Variants in ANK2 observed in about 807,000 individuals in gnomAD.
ANK2 encodes the protein ankyrin 2, also known as ankyrin-2.
Under a neutral mutation model 360.5 loss-of-function variants are expected in ANK2, and 83 were observed. The observed-to-expected ratio is 0.23, with a 90% confidence interval of 0.19 to 0.28. The LOEUF (loss-of-function observed/expected upper bound fraction) is 0.28. Among genes scored for constraint, ANK2 ranks in the 10% least tolerant of loss-of-function variants. The pLI, the probability that ANK2 is intolerant of heterozygous loss-of-function variation, is 1.00. For missense variants in ANK2, 4,201 were observed against 4,795.7 expected (o/e 0.88, Z 3.66); for synonymous variants, 1,740 against 1,759.5 (o/e 0.99, Z 0.28).
the ANK2 span, among the ~76,000 whole-genome samples, chr4:112,749,618 G>GT: frequency 6.6e-6 from 1 of 152,150 alleles, no homozygotes; most frequent in Admixed American, 6.5e-5. Context: ...TCACAGCAGT[G>GT]TTTCCTAGGA....
intron 1 of ANK2, among the ~76,000 whole-genome samples, chr4:113,168,769 G>A (rs1170065147): frequency 6.6e-6 from 1 of 152,196 alleles, no homozygotes; most frequent in African/African-American, 2.4e-5. Context: ...AACCCAAATT[G>A]TTGGTTTCGA....
intron 14 of ANK2, among the ~76,000 whole-genome samples, chr4:113,271,559 C>T (rs890148069): frequency 2.0e-5 from 3 of 152,090 alleles, no homozygotes; most frequent in African/African-American, 4.8e-5. Context: ...CACCCTCTCC[C>T]GAAGAAGAGA....
intron 2 of ANK2, among the ~76,000 whole-genome samples, chr4:112,983,758 A>G (rs2043925609): frequency 6.6e-6 from 1 of 152,134 alleles, no homozygotes; most frequent in African/African-American, 2.4e-5. Flanking sequence ...CTCTTTCTCC[A>G]TATCTTGATG....
Position 113,382,168 on chromosome 4 carries a change from C to T in ANK2, c.*697C>T, listed in dbSNP as rs1319637315. Reference sequence around the variant, plus strand: ...TTGCTAACACAATCGAGTGATAATACAGTTTTACTGCAAAAGAAGCACTTC... The same window carrying T: ...TTGCTAACACAATCGAGTGATAATATAGTTTTACTGCAAAAGAAGCACTTC... On this transcript the variant is annotated 3_prime_UTR_variant, in exon 46 of 46. Coordinates refer to ENST00000357077, the MANE Select transcript of ANK2 (RefSeq NM_001148.6). 6.0e-6 allele frequency: 1 copy of T among 165,306 alleles called. No individual in the cohort carries two copies. Among genetic ancestry groups the T allele is most frequent in the South Asian group, 1.6e-4 (1 of 6,406 alleles). The allele number at this position is 165,306 out of a possible 1,614,324, so 10.2% of individuals were successfully genotyped here. A position where few individuals can be genotyped will look rare whatever the true frequency, so the allele number is the denominator to read the frequency against.
At chr4:112,749,591 T>C in the ANK2 span, among the ~76,000 whole-genome samples, 16 of 152,316 alleles carry the variant, frequency 1.1e-4, no homozygotes, top group Non-Finnish European at 2.4e-4. Context: ...ACTGAATAGT[T>C]ACTGGATTGA....
intron 1 of ANK2, among the ~76,000 whole-genome samples, chr4:113,159,154 C>G (rs369617): frequency 0.82 from 122,900 of 150,568 alleles, 50,173 homozygotes; most frequent in African/African-American, 0.85. Flanking sequence ...CTGGAAGTAG[C>G]ATATATGACT....
intron 5 of ANK2, among the ~76,000 whole-genome samples, chr4:113,234,947 A>C (rs1305877598): frequency 1.3e-5 from 2 of 152,226 alleles, no homozygotes; most frequent in East Asian, 3.8e-4. Context: ...AGTACAGATT[A>C]GAATGAAATC....
chr4:112,738,229 G>A, the ANK2 span, among the ~76,000 whole-genome samples: 1 of 152,056 alleles, frequency 6.6e-6, no homozygotes, highest in African/African-American at 2.4e-5. Context: ...AGCCAACATG[G>A]CGAAGCCCCG....
chr4:112,982,304 A>G (rs1239063591), intron 2 of ANK2, among the ~76,000 whole-genome samples: 1 of 152,214 alleles, frequency 6.6e-6, no homozygotes, highest in Non-Finnish European at 1.5e-5. Flanking sequence ...AGACATGCCT[A>G]TCATCTTTGA....
At chr4:113,004,331 T>C (rs1453764433) in intron 2 of ANK2, among the ~76,000 whole-genome samples, 1 of 152,194 alleles carries the variant, frequency 6.6e-6, no homozygotes, top group Non-Finnish European at 1.5e-5. Context: ...TAAAGAAATT[T>C]TGTTTTCTTT....
At chr4:113,333,389 G>T (rs947893161) in intron 29 of ANK2, among the ~76,000 whole-genome samples, 181 bp downstream of exon 29, 21 of 151,588 alleles carry the variant, frequency 1.4e-4, no homozygotes, top group African/African-American at 5.1e-4. Context: ...TGATGAGTTG[G>T]AATGCACAAT....
At chr4:113,299,492 G>A (rs1456487171) in intron 22 of ANK2, among the ~76,000 whole-genome samples, 2 of 152,072 alleles carry the variant, frequency 1.3e-5, no homozygotes, top group African/African-American at 2.4e-5. Flanking sequence ...ATCACCTGAC[G>A]TCAAGTGTTC....
chr4:112,840,634 A>G (rs946799154), intron 1 of ANK2, among the ~76,000 whole-genome samples: 1 of 152,220 alleles, frequency 6.6e-6, no homozygotes, highest in African/African-American at 2.4e-5. Context: ...TTAGGGACGG[A>G]AAAATGCAAA....
At position 113,358,098 on chromosome 4, in the gene ANK2, G is replaced by A; in HGVS notation, c.9480G>A (p.Glu3160=). The change falls in exon 38 of 46, where the codon GAG becomes GAA. Residue 3160 remains glutamate, a synonymous_variant. Coordinates refer to ENST00000357077, the MANE Select transcript of ANK2 (RefSeq NM_001148.6). ...GATGADPLPL[E]TSAESLALSE... is the part of the protein sequence containing the mutation. ...CTGGGGCTGATCCCCTACCGCTGGA[G>A]ACATCAGCTGAATCACTAGCACTTT... The A allele has an allele frequency of 6.2e-7, 1 of 1,614,092 alleles. No homozygotes were observed. Among genetic ancestry groups the A allele is most frequent in the East Asian group, 2.2e-5 (1 of 44,874 alleles).
chr4:113,149,874 C>CAAAAA (rs34667216), intron 1 of ANK2, among the ~76,000 whole-genome samples: 3,640 of 31,384 alleles, frequency 0.12, 746 homozygotes, highest in Non-Finnish European at 0.15. Flanking sequence ...GACCCTGCCT[C>CAAAAA]AAAAAAAAAA....
At chr4:113,085,601 CCGGCCTTGGAATT>C in intron 1 of ANK2, among the ~76,000 whole-genome samples, 1 of 152,232 alleles carries the variant, frequency 6.6e-6, no homozygotes, top group South Asian at 2.1e-4. Context: ...GCCACCGCGC[CCGGCCTTGGAATT>C]TGTATTTTAA....
chr4:113,198,263 T>TA (rs1292056685), intron 3 of ANK2, among the ~76,000 whole-genome samples: 7 of 152,272 alleles, frequency 4.6e-5, no homozygotes, highest in Admixed American at 2.6e-4. Context: ...AGTGAGTGGC[T>TA]AATGCTCCCA....
At chr4:113,352,761 G>T (rs561412970) in intron 37 of ANK2, among the ~76,000 whole-genome samples, 3 of 151,202 alleles carry the variant, frequency 2.0e-5, no homozygotes, top group African/African-American at 7.3e-5. Context: ...GTGTATGTGC[G>T]TCTTGTTTTA....
intron 1 of ANK2, among the ~76,000 whole-genome samples, chr4:112,890,221 GGAGAAA>G (rs938581143): frequency 2.0e-5 from 3 of 152,086 alleles, no homozygotes; most frequent in African/African-American, 2.4e-5. Context: ...TTTCACAGTG[GGAGAAA>G]GAGAAAGAGA....
Sources: allele counts gnomAD v4.1 joint callset (sites outside exome capture counted in the v4.1 genomes callset), GRCh38; gene constraint gnomAD v4.1.1; transcripts MANE v1.5; gene names NCBI Gene and HGNC (gene_info 2026-07-23, HGNC 2026-07-21).